The following CTNNA2 variants were observed in gnomAD, a reference collection of about 807,000 sequenced individuals.
CTNNA2 encodes the protein catenin alpha 2.
In CTNNA2, 42 loss-of-function variants were observed where a neutral mutation model predicts 101.0. The ratio of observed to expected loss-of-function variants is 0.42; its 90% CI spans 0.32 to 0.54. The LOEUF is 0.54. CTNNA2 is among the 20% of genes least tolerant of loss of function. CTNNA2 has a pLI of 0.14. For synonymous variants in CTNNA2, 450 were observed against 456.4 expected (o/e 0.99, Z 0.18); for missense variants, 871 against 1,223.1 (o/e 0.71, Z 4.29).
intron 16 of CTNNA2, among the ~76,000 whole-genome samples, chr2:80,604,474 A>G (rs1361363113): frequency 6.6e-6 from 1 of 151,944 alleles, no homozygotes; most frequent in East Asian, 1.9e-4. Context: ...AGGCTTCCCC[A>G]TTCAGAAAGG....
chr2:80,152,471 A>G (rs1283618437), intron 7 of CTNNA2, among the ~76,000 whole-genome samples: 3 of 151,980 alleles, frequency 2.0e-5, no homozygotes, highest in African/African-American at 7.3e-5. Context: ...CCAAGCATGC[A>G]CTCTGATGCC....
At chr2:79,350,727 G>A (rs187766825) in intron 3 of CTNNA2, among the ~76,000 whole-genome samples, 2 of 152,200 alleles carry the variant, frequency 1.3e-5, no homozygotes, top group African/African-American at 4.8e-5. Flanking sequence ...TTTTCCATAT[G>A]TGGTCTACTA....
At chr2:79,811,213 C>T (rs1466231907) in intron 3 of CTNNA2, among the ~76,000 whole-genome samples, 108 of 152,046 alleles carry the variant, frequency 7.1e-4, no homozygotes, top group Admixed American at 1.4e-3. Flanking sequence ...TTTTAATGAT[C>T]GCCATTCTAA....
chr2:79,326,300 C>CAA lies in CTNNA2; in HGVS notation c.-318+13517_-318+13518dup, dbSNP rs72151080. 3.2e-3 allele frequency among the ~76,000 whole-genome samples: 379 copies of CAA among 118,958 alleles called. 2 individuals are homozygous for CAA. Among genetic ancestry groups the CAA allele is most frequent in the Admixed American group, 3.9e-3 (46 of 11,872 alleles). The allele number at this position is 118,958 out of a possible 152,430, so 78.0% of individuals were successfully genotyped here. On this transcript the variant is annotated intron_variant, in intron 3 of 21. Coordinates refer to the CTNNA2 transcript ENST00000466387. ...TGCAGAATATCACTAAACAAACAAG[C>CAA]AAAAAAAAAAAAAACCAGACATCTA...
At chr2:79,588,051 C>T (rs913532579) in intron 1 of CTNNA2, among the ~76,000 whole-genome samples, 1 of 152,074 alleles carries the variant, frequency 6.6e-6, no homozygotes, top group African/African-American at 2.4e-5. Context: ...AGAGACTTGC[C>T]AGAGAACTTT....
At chr2:79,867,988 A>C (rs1682270845) in intron 4 of CTNNA2, among the ~76,000 whole-genome samples, 1 of 152,206 alleles carries the variant, frequency 6.6e-6, no homozygotes, top group South Asian at 2.1e-4. Context: ...TTGGTGTTTT[A>C]AAGATCTGAG....
intron 2 of CTNNA2, among the ~76,000 whole-genome samples, chr2:79,224,554 A>C (rs1232072857): frequency 6.6e-6 from 1 of 152,080 alleles, no homozygotes; most frequent in Non-Finnish European, 1.5e-5. Context: ...TTTACTATGC[A>C]TCTTATTAAC....
intron 3 of CTNNA2, among the ~76,000 whole-genome samples, chr2:79,804,729 A>C (rs1676435597): frequency 6.6e-6 from 1 of 152,184 alleles, no homozygotes; most frequent in African/African-American, 2.4e-5. Flanking sequence ...TGTCTGTGAA[A>C]ATTTTAGACC....
chr2:79,616,397 A>C (rs543274247), intron 1 of CTNNA2, among the ~76,000 whole-genome samples: 5 of 152,226 alleles, frequency 3.3e-5, no homozygotes, highest in Admixed American at 6.5e-5. Flanking sequence ...ACAGAATGCT[A>C]ACAGTCACTA....
intron 3 of CTNNA2, among the ~76,000 whole-genome samples, chr2:79,775,538 G>C (rs868658621): frequency 6.6e-6 from 1 of 152,102 alleles, no homozygotes; most frequent in Non-Finnish European, 1.5e-5. Context: ...AACATGTGCC[G>C]TGGTGGTTTG....
chr2:79,523,389 A>G (rs1030386250), intron 1 of CTNNA2: 2 of 238,926 alleles, frequency 8.4e-6, no homozygotes, highest in African/African-American at 2.3e-5. Context: ...TTCATTTTAC[A>G]TATAGTTTAA....
intron 7 of CTNNA2, among the ~76,000 whole-genome samples, chr2:80,031,009 C>T (rs1318236527): frequency 6.6e-6 from 1 of 152,170 alleles, no homozygotes; most frequent in Non-Finnish European, 1.5e-5. Context: ...ATGATAGGAT[C>T]ATTAATTATT....
At chr2:80,582,805 G>A (rs569073277) in intron 14 of CTNNA2, among the ~76,000 whole-genome samples, 22 of 152,214 alleles carry the variant, frequency 1.4e-4, no homozygotes, top group African/African-American at 5.3e-4. Flanking sequence ...ATTTAAAATA[G>A]AAATTGGGAA....
chr2:79,338,262 TAGTC>T (rs1553400978), intron 3 of CTNNA2, among the ~76,000 whole-genome samples: 3 of 56,556 alleles, frequency 5.3e-5, no homozygotes, highest in Non-Finnish European at 1.1e-4. Context: ...AAAAAATTGG[TAGTC>T]AGGCAACTGG....
intron 2 of CTNNA2, among the ~76,000 whole-genome samples, chr2:79,698,239 G>A (rs1490371895): frequency 6.6e-6 from 1 of 151,988 alleles, no homozygotes; most frequent in African/African-American, 2.4e-5. Context: ...GTACGTTTAA[G>A]TTCTTAATAT....
At chr2:80,636,386 C>T (rs1672886601) in intron 18 of CTNNA2, among the ~76,000 whole-genome samples, 1 of 152,002 alleles carries the variant, frequency 6.6e-6, no homozygotes, top group Non-Finnish European at 1.5e-5. Flanking sequence ...ATTTAGGAAA[C>T]AGTGCTAGGG....
At chr2:79,552,783 G>A (rs1674195581) in intron 1 of CTNNA2, among the ~76,000 whole-genome samples, 1 of 152,206 alleles carries the variant, frequency 6.6e-6, no homozygotes, top group Admixed American at 6.5e-5. Context: ...TGGAGCTGGA[G>A]CAACCACAAT....
At chr2:79,895,692 A>ATTT (rs70940058) in intron 6 of CTNNA2, among the ~76,000 whole-genome samples, 21 of 140,600 alleles carry the variant, frequency 1.5e-4, no homozygotes, top group African/African-American at 4.8e-4. Context: ...AAATTTCTTA[A>ATTT]TTTTTTTTTT....
intron 4 of CTNNA2, among the ~76,000 whole-genome samples, chr2:79,476,447 T>C (rs1671050702): frequency 6.6e-6 from 1 of 152,320 alleles, no homozygotes; most frequent in South Asian, 2.1e-4. Context: ...ATATTTGTAT[T>C]AAAGCAGGCT....
Sources: allele counts gnomAD v4.1 joint callset (sites outside exome capture counted in the v4.1 genomes callset), GRCh38; gene constraint gnomAD v4.1.1; transcripts MANE v1.5; gene names NCBI Gene and HGNC (gene_info 2026-07-23, HGNC 2026-07-21).